ATE1: variants seen among roughly 807,000 people sequenced by gnomAD.
ATE1 encodes arginyltransferase 1.
Under a neutral mutation model 70.5 loss-of-function variants are expected in ATE1, and 36 were observed. The observed-to-expected ratio is 0.51, with a 90% confidence interval of 0.39 to 0.67. The LOEUF (loss-of-function observed/expected upper bound fraction) is 0.67, where lower values mean the gene tolerates loss of function less well. Ranked by LOEUF, ATE1 falls within the 30% of genes least tolerant of loss-of-function variation. ATE1 has a pLI of 0.00. For synonymous variants in ATE1, 232 were observed against 219.3 expected, an observed-to-expected ratio of 1.06 and a Z score of -0.51; for missense variants, 593 against 629.5, an observed-to-expected ratio of 0.94 and a Z score of 0.62.
intron 10 of ATE1, among the ~76,000 whole-genome samples, chr10:121,824,481 T>C (rs1947927222): frequency 1.3e-5 from 2 of 152,244 alleles, no homozygotes; most frequent in Admixed American, 1.3e-4. Context: ...GTGCTTACTA[T>C]CATAATAGTA....
intron 11 of ATE1, among the ~76,000 whole-genome samples, chr10:121,761,330 C>T (rs749447330): frequency 2.0e-5 from 3 of 152,206 alleles, no homozygotes; most frequent in Non-Finnish European, 2.9e-5. Flanking sequence ...CAAGCACTAC[C>T]CTGTGATTAG....
chr10:121,923,212 T>G (rs748395576), intron 2 of ATE1, among the ~76,000 whole-genome samples: 3 of 152,214 alleles, frequency 2.0e-5, no homozygotes, highest in Non-Finnish European at 2.9e-5. Flanking sequence ...GGTTCATACC[T>G]ATAATCCCAA....
At chr10:121,856,862 T>C (rs886622594) in intron 8 of ATE1, among the ~76,000 whole-genome samples, 1 of 152,184 alleles carries the variant, frequency 6.6e-6, no homozygotes, top group Non-Finnish European at 1.5e-5. Flanking sequence ...GGATGTCATA[T>C]AGGGGTTGGT....
At chr10:121,886,025 A>G (rs1052840399) in intron 7 of ATE1, among the ~76,000 whole-genome samples, 7 of 152,166 alleles carry the variant, frequency 4.6e-5, no homozygotes, top group African/African-American at 1.7e-4. Flanking sequence ...TCCCTAATCC[A>G]AAAATCTGAA....
In ATE1 at chr10:121,795,458, C is replaced by T. The variant is rs191921196; in HGVS notation, c.1258-5169G>A. On this transcript the variant is annotated intron_variant, in intron 10 of 11. Coordinates refer to ENST00000224652, the MANE Select transcript of ATE1 (RefSeq NM_001001976.3). ...AAAAATATGACAGTGTACAACTGTC[C>T]CAAGTTTCTAAATTTTCACAGTGCT... 4.6e-5 allele frequency among the ~76,000 whole-genome samples: 7 copies of T among 151,984 alleles called. No homozygotes were observed. The East Asian group carries it at 1.4e-3, about 29-fold the overall frequency.
At chr10:121,928,258 G>A, upstream of ATE1, 2 of 1,419,554 alleles carry the variant, frequency 1.4e-6, no homozygotes, top group Non-Finnish European at 1.9e-6. Context: ...AAGGGAAGCG[G>A]GAGTCGGGGT....
At position 121,757,348 on chromosome 10, in the gene ATE1, C is replaced by T. The variant is rs377755698; in HGVS notation, c.1379-13490G>A. Among the ~76,000 whole-genome samples the T allele has an allele frequency of 3.9e-5, 6 of 152,218 alleles. 1 individual carries two copies. In the East Asian group the frequency reaches 7.7e-4, roughly 20 times the overall value. On this transcript the variant is annotated intron_variant, in intron 11 of 11. Coordinates refer to ENST00000224652, the MANE Select transcript of ATE1 (RefSeq NM_001001976.3). The stretch of plus-strand genomic sequence containing the variant: ...AAACTTTCCCACATTTTCCTGTCTT[C>T]TTCTGAGCCCTACAAACTGTTCCAA...
At chr10:121,914,597 T>C (rs1951568896) in intron 3 of ATE1, among the ~76,000 whole-genome samples, 1 of 152,028 alleles carries the variant, frequency 6.6e-6, no homozygotes. Flanking sequence ...TGAGTGAAAG[T>C]TAGGTCTAAA....
At position 121,899,965 on chromosome 10, in the gene ATE1, A is replaced by T; in HGVS notation, c.843T>A (p.Ser281Arg). The change falls in exon 7 of 12, where the codon AGT becomes AGA. Residue 281 changes from serine (S) to arginine (R), a missense_variant. Physicochemically the swap from Ser to Arg is moderately radical, Grantham distance 110. Around this residue, in one of 3 missense-constraint regions of ATE1, gnomAD observed 467 missense variants for 469.6 expected, o/e 0.99. Coordinates refer to ENST00000224652, the MANE Select transcript of ATE1 (RefSeq NM_001001976.3). ...CCAGAAGTGTGGCTTTGAACTGCGA[A>T]CTTGGTGGAGATGATCTCACCACCC... is the stretch of plus-strand genomic sequence containing the variant. ...EVRVVRSSPP[S>R]SQFKATLLES... The T allele has an allele frequency of 6.2e-7, 1 of 1,613,976 alleles. No homozygotes were observed. Among genetic ancestry groups the T allele is most frequent in the Non-Finnish European group, 8.5e-7 (1 of 1,179,878 alleles).
chr10:121,875,060 A>G (rs1949995992), intron 7 of ATE1, among the ~76,000 whole-genome samples: 1 of 144,956 alleles, frequency 6.9e-6, no homozygotes, highest in Non-Finnish European at 1.5e-5. Flanking sequence ...AATGGCGTGA[A>G]CCCAGGAGAC....
At chr10:121,762,662 G>C (rs1421184712) in intron 11 of ATE1, among the ~76,000 whole-genome samples, 1 of 152,172 alleles carries the variant, frequency 6.6e-6, no homozygotes, top group Non-Finnish European at 1.5e-5. Context: ...CCCTGCGAGG[G>C]GATGGCGTCC....
In ATE1 at chr10:121,841,229, T is replaced by A; in HGVS notation, c.1010A>T (p.Tyr337Phe). 1.3e-6 allele frequency: 2 copies of A among 1,554,436 alleles called. No homozygotes were observed. The highest frequency in any genetic ancestry group is 8.7e-7 in the Non-Finnish European group (1 of 1,144,688). ...CCAGTACTGCTGGTGAAAGGAGCCA[T>A]AGCCACAATCTGGCCCATTAGGGGG... ...ETPPNGPDCGYGSFHQQYWLD... is the reference protein window; with the variant it reads ...ETPPNGPDCGFGSFHQQYWLD... The change falls in exon 9 of 12, where the codon TAT (tyrosine) becomes TTT (phenylalanine). Residue 337 changes from tyrosine (Y) to phenylalanine (F), a missense_variant. Physicochemically the swap from Tyr to Phe is conservative, Grantham distance 22. This residue lies in a region of ATE1 where 467 missense variants were observed against 469.6 expected (regional missense o/e 0.99). Transcript: ENST00000224652.
intron 11 of ATE1, among the ~76,000 whole-genome samples, chr10:121,766,001 T>C (rs10788206): frequency 0.83 from 126,187 of 152,172 alleles, 52,685 homozygotes; most frequent in Non-Finnish European, 0.89. Flanking sequence ...ATATCATATA[T>C]TATAATTGTC....
chr10:121,881,908 C>T (rs890285998), intron 7 of ATE1, among the ~76,000 whole-genome samples: 1 of 152,122 alleles, frequency 6.6e-6, no homozygotes, highest in Non-Finnish European at 1.5e-5. Context: ...ATTCTCCTGC[C>T]TCAGCCTCCT....
chr10:121,878,552 G>A (rs1291516167), intron 7 of ATE1, among the ~76,000 whole-genome samples: 2 of 150,690 alleles, frequency 1.3e-5, no homozygotes, highest in Non-Finnish European at 1.5e-5. Flanking sequence ...GAGATCACAC[G>A]ACTGCGCTCC....
intron 3 of ATE1, among the ~76,000 whole-genome samples, chr10:121,917,454 T>A (rs1292025822): frequency 6.6e-6 from 1 of 152,114 alleles, no homozygotes; most frequent in African/African-American, 2.4e-5. Flanking sequence ...CATGGTTCAG[T>A]TGTGAAGCAT....
At chr10:121,908,082 A>G (rs1424164406) in intron 5 of ATE1, among the ~76,000 whole-genome samples, 1 of 152,254 alleles carries the variant, frequency 6.6e-6, no homozygotes, top group East Asian at 1.9e-4. Flanking sequence ...AGAAGCTTTC[A>G]GAGGAGCAAC....
chr10:121,788,686 T>TC (rs568048755), intron 11 of ATE1, among the ~76,000 whole-genome samples: 115 of 152,312 alleles, frequency 7.6e-4, no homozygotes, highest in Non-Finnish European at 1.4e-3. Context: ...CCTTCTTTTT[T>TC]CCCAAACTTA....
chr10:121,840,623 C>T (rs1276250419), intron 9 of ATE1, among the ~76,000 whole-genome samples: 1 of 151,804 alleles, frequency 6.6e-6, no homozygotes, highest in African/African-American at 2.4e-5. Flanking sequence ...TAGATGGATA[C>T]CTTAAAAAGC....
Sources: allele counts gnomAD v4.1 joint callset (sites outside exome capture counted in the v4.1 genomes callset), GRCh38; gene constraint gnomAD v4.1.1; regional missense constraint gnomAD v4.1.1; transcripts MANE v1.5; gene names NCBI Gene and HGNC (gene_info 2026-07-23, HGNC 2026-07-21).